CNGB3: variants seen among roughly 807,000 people sequenced by gnomAD.
The protein encoded by CNGB3 is cyclic nucleotide-gated channel beta-3.
CNGB3 carries 86 observed loss-of-function variants against 92.8 expected under a neutral mutation model. The ratio of observed to expected loss-of-function variants is 0.93; its 90% CI spans 0.78 to 1.11. The LOEUF is 1.11. Ranked by LOEUF, CNGB3 falls within the 50% of genes least tolerant of loss-of-function variation. CNGB3 has a pLI of 0.00. For synonymous variants in CNGB3, 333 were observed against 332.7 expected (o/e 1.00, Z -0.01); for missense variants, 1,026 against 956.8 (o/e 1.07, Z -0.95).
chr8:86,658,834 T>G, intron 6 of CNGB3: 1 of 618,084 alleles, frequency 1.6e-6, no homozygotes. Context: ...CTGATGGTGG[T>G]GAGGTCATTC....
At chr8:86,684,164 T>G (rs1586014265) in intron 3 of CNGB3, among the ~76,000 whole-genome samples, 2 of 152,060 alleles carry the variant, frequency 1.3e-5, no homozygotes, top group South Asian at 2.1e-4. Context: ...ACCAAAACAA[T>G]CTAATTATGA....
At chr8:86,677,087 C>T (rs1351945625) in intron 3 of CNGB3, among the ~76,000 whole-genome samples, 1 of 152,092 alleles carries the variant, frequency 6.6e-6, no homozygotes, top group African/African-American at 2.4e-5. Flanking sequence ...AGTCAGAAAA[C>T]ACAAAGGATT....
intron 3 of CNGB3, among the ~76,000 whole-genome samples, chr8:86,684,106 G>A (rs528770129): frequency 2.0e-4 from 30 of 152,180 alleles, no homozygotes; most frequent in African/African-American, 7.2e-4. Flanking sequence ...ATCTGACAAA[G>A]GTCTAGTATC....
At chr8:86,598,010 T>TTAAAA (rs1007059528) in intron 15 of CNGB3, among the ~76,000 whole-genome samples, 3 of 125,528 alleles carry the variant, frequency 2.4e-5, no homozygotes, top group East Asian at 2.2e-4. Context: ...TAAAATAAAA[T>TTAAAA]TAAAATAAAA....
At chr8:86,694,445 C>T (rs187176225) in intron 3 of CNGB3, among the ~76,000 whole-genome samples, 22,266 of 151,116 alleles carry the variant, frequency 0.15, 1,668 homozygotes, top group African/African-American at 0.19. Context: ...CGGGCGGAGA[C>T]GCTCCTCACT....
At chr8:86,624,923 G>A (rs1274973433) in intron 13 of CNGB3, among the ~76,000 whole-genome samples, 1 of 152,140 alleles carries the variant, frequency 6.6e-6, no homozygotes, top group Non-Finnish European at 1.5e-5. Context: ...GACAGTGAGT[G>A]AGTTCTCATA....
At chr8:86,644,944 T>A (rs571211347) in intron 8 of CNGB3, among the ~76,000 whole-genome samples, 1 of 151,242 alleles carries the variant, frequency 6.6e-6, no homozygotes, top group African/African-American at 2.4e-5. Flanking sequence ...TTGTTGAAAA[T>A]GAAACTTAAA....
chr8:86,734,125 T>C (rs1825205971), intron 2 of CNGB3, among the ~76,000 whole-genome samples: 1 of 152,196 alleles, frequency 6.6e-6, no homozygotes, highest in African/African-American at 2.4e-5. Context: ...CCCAAAGCAC[T>C]GGGATTACAG....
intron 13 of CNGB3, among the ~76,000 whole-genome samples, chr8:86,622,095 G>A (rs569366397): frequency 6.6e-6 from 1 of 152,284 alleles, no homozygotes; most frequent in Admixed American, 6.5e-5. Context: ...ACTCCAAGTT[G>A]CTGCAAATGC....
In CNGB3 at chr8:86,626,082, T is replaced by G. The variant is rs1554609978; in HGVS notation, c.1481-2A>C. 1 of 1,606,342 alleles carries G rather than the reference T, an allele frequency of 6.2e-7. No homozygotes were observed. The highest frequency in any genetic ancestry group is 8.5e-7 in the Non-Finnish European group (1 of 1,173,270). ...GGGTCTTAAGCAAATCAGACTCATCTTTATAAAGATAAACACATCAAACCC... is the reference window on the plus strand; with the variant it reads ...GGGTCTTAAGCAAATCAGACTCATCGTTATAAAGATAAACACATCAAACCC... On this transcript the variant is annotated splice_acceptor_variant, in intron 12 of 17. Transcript: ENST00000320005. LOFTEE classifies it high-confidence loss of function.
At chr8:86,709,589 T>C (rs1454712775) in intron 3 of CNGB3, among the ~76,000 whole-genome samples, 3 of 152,314 alleles carry the variant, frequency 2.0e-5, no homozygotes, top group South Asian at 2.1e-4. Flanking sequence ...TCAGCAGAGT[T>C]AGGGTGAACA....
chr8:86,594,267 G>A (rs536865951), intron 15 of CNGB3: 5 of 261,544 alleles, frequency 1.9e-5, no homozygotes, highest in Admixed American at 9.3e-5. Context: ...GTGAGCTTTC[G>A]GATGCCCTCC....
At chr8:86,707,859 C>T (rs772607480) in intron 3 of CNGB3, 5 of 151,942 alleles carry the variant, frequency 3.3e-5, no homozygotes, top group South Asian at 2.1e-4. Context: ...AAGGAATAGC[C>T]GACAGAATTT....
intron 15 of CNGB3, among the ~76,000 whole-genome samples, chr8:86,580,921 C>T (rs531849345): frequency 6.6e-6 from 1 of 152,308 alleles, no homozygotes; most frequent in South Asian, 2.1e-4. Flanking sequence ...AGAAAACACT[C>T]TGACCTTTGG....
Position 86,726,615 on chromosome 8 carries a change from T to C in CNGB3, c.254A>G (p.Asn85Ser), listed in dbSNP as rs776768303. The change falls in exon 3 of 18, where the codon AAC becomes AGC. Residue 85 changes from asparagine to serine, a missense_variant. Coordinates refer to ENST00000320005, the MANE Select transcript of CNGB3 (RefSeq NM_019098.5). The stretch of plus-strand genomic sequence containing the variant: ...TTCTGCTGCATTTTGAGGGTCAGGG[T>C]TTGTGGTCAGATCTCCAGAGGAATT... The part of the protein sequence containing the change: ...KKNSSGDLTT[N>S]PDPQNAAEPT... 5.0e-6 allele frequency: 8 copies of C among 1,613,688 alleles called. No homozygotes were observed. In the African/African-American group the frequency reaches 9.4e-5, roughly 19 times the overall value.
chr8:86,609,652 A>G (rs1822480843), intron 14 of CNGB3, among the ~76,000 whole-genome samples: 1 of 152,242 alleles, frequency 6.6e-6, no homozygotes, highest in South Asian at 2.1e-4. Flanking sequence ...ATCCTCTCTC[A>G]TTAGACTGAT....
At chr8:86,678,220 A>G (rs969966250) in intron 3 of CNGB3, among the ~76,000 whole-genome samples, 1 of 152,232 alleles carries the variant, frequency 6.6e-6, no homozygotes, top group Non-Finnish European at 1.5e-5. Flanking sequence ...CACTTTACAT[A>G]CATGAGTATT....
chr8:86,669,603 A>G (rs902911405), intron 4 of CNGB3, among the ~76,000 whole-genome samples: 1 of 152,218 alleles, frequency 6.6e-6, no homozygotes, highest in African/African-American at 2.4e-5. Context: ...TTATCGAAGT[A>G]TAATAACTAT....
At chr8:86,651,901 G>A (rs1335721990) in intron 7 of CNGB3, among the ~76,000 whole-genome samples, 2 of 151,900 alleles carry the variant, frequency 1.3e-5, no homozygotes, top group African/African-American at 2.4e-5. Context: ...TAACAACAGG[G>A]ACATATTCTG....
Sources: gnomAD v4.1 joint callset for allele counts (sites outside exome capture counted in the v4.1 genomes callset) on GRCh38, gnomAD v4.1.1 for gene constraint, MANE v1.5 for transcripts, NCBI Gene and HGNC (gene_info 2026-07-23, HGNC 2026-07-21) for gene names.